The following SLC38A12 variants were observed in gnomAD, a reference collection of about 807,000 sequenced individuals.
SLC38A12 encodes the protein putative sodium-coupled neutral amino acid transporter 12.
the SLC38A12 span, among the ~76,000 whole-genome samples, chr17:74,816,175 G>A: frequency 9.2e-5 from 14 of 152,226 alleles, no homozygotes; most frequent in African/African-American, 2.7e-4. Context: ...TAATGCATGC[G>A]TAGGACTGGG....
the SLC38A12 span, chr17:74,795,703 T>G: frequency 8.5e-7 from 1 of 1,181,186 alleles, no homozygotes; most frequent in Non-Finnish European, 1.2e-6. Context: ...GAAGTGCCTT[T>G]ACTTCCAGGT....
chr17:74,824,792 C>T, the SLC38A12 span, among the ~76,000 whole-genome samples: 6 of 152,170 alleles, frequency 3.9e-5, no homozygotes, highest in Admixed American at 1.3e-4. Context: ...TGAACTTGAG[C>T]CTGCCTCATG....
the SLC38A12 span, among the ~76,000 whole-genome samples, chr17:74,793,769 C>T: frequency 2.6e-5 from 4 of 152,256 alleles, no homozygotes; most frequent in South Asian, 4.1e-4. Flanking sequence ...TAAGCTTGGA[C>T]GTCAGGCTAT....
the SLC38A12 span, among the ~76,000 whole-genome samples, chr17:74,789,946 TGTTTTTTTG>T: frequency 8.8e-6 from 1 of 113,588 alleles, no homozygotes; most frequent in Non-Finnish European, 1.9e-5. Context: ...CTTTCTTTTT[TGTTTTTTTG>T]TTTTTTTGTT....
At chr17:74,778,353 G>A in the SLC38A12 span, among the ~76,000 whole-genome samples, 1 of 152,194 alleles carries the variant, frequency 6.6e-6, no homozygotes, top group Non-Finnish European at 1.5e-5. Flanking sequence ...CCAGGCAAAA[G>A]CAGCACTGCC....
At chr17:74,830,086 G>A in the SLC38A12 span, among the ~76,000 whole-genome samples, 1 of 151,846 alleles carries the variant, frequency 6.6e-6, no homozygotes, top group Non-Finnish European at 1.5e-5. Context: ...TGAGCTGGGG[G>A]TGCTGGTAGG....
At chr17:74,794,986 C>G in the SLC38A12 span, 8 of 1,601,206 alleles carry the variant, frequency 5.0e-6, no homozygotes, top group African/African-American at 8.0e-5. Context: ...TTGTGGCTCC[C>G]TGACTGATGG....
chr17:74,816,216 C>T, the SLC38A12 span, among the ~76,000 whole-genome samples: 1 of 152,204 alleles, frequency 6.6e-6, no homozygotes, highest in South Asian at 2.1e-4. Flanking sequence ...TATTGGGAGC[C>T]TTGCCTTGCA....
chr17:74,796,941 A>G, the SLC38A12 span, among the ~76,000 whole-genome samples: 6 of 152,318 alleles, frequency 3.9e-5, no homozygotes, highest in South Asian at 1.2e-3. Context: ...GAAAGGGCCC[A>G]TCTGGATCTC....
chr17:74,812,111 C>A, the SLC38A12 span, among the ~76,000 whole-genome samples: 1 of 147,762 alleles, frequency 6.8e-6, no homozygotes, highest in East Asian at 2.0e-4. Context: ...GCTGCGTTCC[C>A]CCACCGAGAT....
the SLC38A12 span, chr17:74,777,571 T>A: frequency 1.3e-6 from 2 of 1,523,198 alleles, no homozygotes; most frequent in Non-Finnish European, 1.8e-6. Context: ...TTTATTCTCT[T>A]TTTAAGGTGT....
At chr17:74,822,985 G>A in the SLC38A12 span, among the ~76,000 whole-genome samples, 4 of 152,168 alleles carry the variant, frequency 2.6e-5, no homozygotes, top group African/African-American at 9.7e-5. Flanking sequence ...GCAGTTTTTC[G>A]AGAACCACCC....
the SLC38A12 span, among the ~76,000 whole-genome samples, chr17:74,832,515 C>T: frequency 6.6e-6 from 1 of 152,252 alleles, no homozygotes; most frequent in African/African-American, 2.4e-5. Context: ...CTGTCCTTCC[C>T]GGATATGCTC....
the SLC38A12 span, among the ~76,000 whole-genome samples, chr17:74,819,335 G>C: frequency 6.6e-6 from 1 of 152,232 alleles, no homozygotes; most frequent in African/African-American, 2.4e-5. Context: ...AGTAAACTAA[G>C]AGTCAGAGAC....
At chr17:74,778,639 CTTTTTT>C in the SLC38A12 span, among the ~76,000 whole-genome samples, 4 of 75,782 alleles carry the variant, frequency 5.3e-5, no homozygotes, top group Non-Finnish European at 7.3e-5. Flanking sequence ...CAGGGGAAGT[CTTTTTT>C]TTTTTTTTTT....
the SLC38A12 span, chr17:74,785,534 T>C: frequency 6.2e-7 from 1 of 1,614,130 alleles, no homozygotes; most frequent in Non-Finnish European, 8.5e-7. Flanking sequence ...GCACTCACCA[T>C]GCCCAAGGCA....
the SLC38A12 span, among the ~76,000 whole-genome samples, chr17:74,792,999 C>T: frequency 3.0e-3 from 451 of 152,350 alleles, 1 homozygote; most frequent in Admixed American, 6.3e-3. Flanking sequence ...TTTAAACCTC[C>T]TTTCTCATTT....
the SLC38A12 span, chr17:74,791,023 G>A: frequency 6.2e-7 from 1 of 1,613,582 alleles, no homozygotes. Context: ...TGGCCTCCAT[G>A]TTCTTCAATA....
chr17:74,789,677 C>T, the SLC38A12 span, among the ~76,000 whole-genome samples: 1 of 151,730 alleles, frequency 6.6e-6, no homozygotes, highest in Non-Finnish European at 1.5e-5. Context: ...GAAACCCCAT[C>T]TCTACTAAAA....
Sources: allele counts gnomAD v4.1 joint callset (sites outside exome capture counted in the v4.1 genomes callset), GRCh38; gene constraint gnomAD v4.1.1; transcripts MANE v1.5; gene names NCBI Gene and HGNC (gene_info 2026-07-23, HGNC 2026-07-21).